Variants in LIFR observed in about 807,000 individuals in gnomAD.
The protein encoded by LIFR is leukemia inhibitory factor receptor.
A neutral mutation model predicts 122.2 loss-of-function variants in LIFR; 84 were observed. That is an observed-to-expected ratio of 0.69 (90% CI 0.58 to 0.82). The LOEUF (loss-of-function observed/expected upper bound fraction) is 0.82, where lower values mean the gene tolerates loss of function less well. Ranked by LOEUF, LIFR falls within the 40% of genes least tolerant of loss-of-function variation. The probability of loss-of-function intolerance (pLI) is 0.00; values close to 1 mark genes in which losing one functional copy is unlikely to be tolerated. For synonymous variants in LIFR, 422 were observed against 434.7 expected (o/e 0.97, Z 0.36); for missense variants, 1,294 against 1,311.6 (o/e 0.99, Z 0.21).
rs544041536 is a variant in LIFR at position 38,568,583 on chromosome 5, G to A, written c.-20+26678C>T. 2.0e-4 allele frequency among the ~76,000 whole-genome samples: 30 copies of A among 152,296 alleles called. 2 individuals carry two copies. The South Asian group carries it at 6.0e-3, about 31-fold the overall frequency. On this transcript the variant is annotated intron_variant, in intron 1 of 19. Coordinates refer to the LIFR transcript ENST00000263409. The stretch of plus-strand genomic sequence containing the variant: ...CATGTGTGAGGAGTAGATTATAGGG[G>A]TCAAGAAGAGACACTGCACTGAGGG...
intron 12 of LIFR, 30 bp downstream of exon 12, chr5:38,499,483 T>C (rs1417774819): frequency 1.4e-6 from 2 of 1,429,380 alleles, no homozygotes; most frequent in East Asian, 2.3e-5. Flanking sequence ...CAAAGTAATG[T>C]AAATGTTCAC....
At chr5:38,552,080 G>A (rs1052464566) in intron 1 of LIFR, among the ~76,000 whole-genome samples, 1 of 152,082 alleles carries the variant, frequency 6.6e-6, no homozygotes, top group African/African-American at 2.4e-5. Context: ...TGAAGACTGA[G>A]GACCTAAAGA....
intron 17 of LIFR, among the ~76,000 whole-genome samples, 162 bp from the exon 18 acceptor site, chr5:38,485,030 T>C (rs997286179): frequency 8.5e-5 from 13 of 152,220 alleles, no homozygotes; most frequent in Non-Finnish European, 1.5e-4. Flanking sequence ...CTTTCAGGTA[T>C]TGTGATAATT....
chr5:38,496,402 G>A lies in LIFR; in HGVS notation c.1865C>T (p.Ala622Val), dbSNP rs747837301. Residue 622 changes from alanine (A) to valine (V), a missense_variant, in exon 13 of 20, where the codon GCG becomes GTG. Ala to Val is a moderately conservative substitution (Grantham distance 64). Coordinates refer to ENST00000453190, the MANE Select transcript of LIFR (RefSeq NM_001127671.2). The part of the protein sequence containing the change: ...SVGSSPPSKI[A>V]SMEIPNDDLK... ...CTCACCATTTGGAATTTCCATACTCGCTATTTTGGAAGGTGGTGATGAGCC... is the reference window on the plus strand; with the variant it reads ...CTCACCATTTGGAATTTCCATACTCACTATTTTGGAAGGTGGTGATGAGCC... 9.3e-6 allele frequency: 15 copies of A among 1,613,068 alleles called. No homozygotes were observed. The highest frequency in any genetic ancestry group is 4.4e-5 in the South Asian group (4 of 91,062).
chr5:38,497,538 A>T (rs1744948096), intron 12 of LIFR, among the ~76,000 whole-genome samples: 1 of 152,344 alleles, frequency 6.6e-6, no homozygotes, highest in South Asian at 2.1e-4. Context: ...AAAAAATAGC[A>T]TCATGGGTTT....
chr5:38,510,835 C>A, intron 6 of LIFR, 117 bp from the exon 7 acceptor site: 1 of 784,266 alleles, frequency 1.3e-6, no homozygotes, highest in Non-Finnish European at 2.0e-6. Flanking sequence ...AGTATATACA[C>A]TACAAACTGT....
Position 38,530,600 on chromosome 5 carries a change from G to A in LIFR, c.48C>T (p.Asp16=), listed in dbSNP as rs1487638972. ...VCLKRPSWMV[D]NKRMRTASNF... ...TTGAAGCAGTCCTCATTCTTTTATT[G>A]TCCACCATCCAGGATGGTCGTTTCA... Residue 16 remains aspartate, a synonymous_variant, in exon 2 of 20, where the codon GAC becomes GAT. Coordinates refer to ENST00000453190, the MANE Select transcript of LIFR (RefSeq NM_001127671.2). The A allele has an allele frequency of 6.2e-7, 1 of 1,611,212 alleles. No homozygotes were observed. The highest frequency in any genetic ancestry group is 1.1e-5 in the South Asian group (1 of 91,026).
In LIFR at chr5:38,481,641, C is replaced by T; in HGVS notation, c.3248G>A (p.Gly1083Glu). 1.2e-6 allele frequency: 2 copies of T among 1,614,104 alleles called. No homozygotes were observed. The part of the protein sequence containing the change: ...KDEDSPKSNG[G>E]GWSFTNFFQN... ...AAAAAAGTTTGTAAAGGACCACCCTCCTCCATTAGATTTAGGAGAGTCTTC... is the reference window on the plus strand; with the variant it reads ...AAAAAAGTTTGTAAAGGACCACCCTTCTCCATTAGATTTAGGAGAGTCTTC... Residue 1083 changes from glycine (G) to glutamate (E), a missense_variant, in exon 20 of 20, where the codon GGA (glycine) becomes GAA (glutamate). Physicochemically the swap from Gly to Glu is moderately conservative, Grantham distance 98 (BLOSUM62 -2). Coordinates refer to ENST00000453190, the MANE Select transcript of LIFR (RefSeq NM_001127671.2).
At chr5:38,594,145 T>C (rs2112769831) in intron 1 of LIFR, among the ~76,000 whole-genome samples, 1 of 152,276 alleles carries the variant, frequency 6.6e-6, no homozygotes, top group African/African-American at 2.4e-5. Flanking sequence ...TTTTTTTAAA[T>C]GGTGTTCCTC....
chr5:38,551,356 T>A (rs1486947864), intron 1 of LIFR, among the ~76,000 whole-genome samples: 1 of 152,156 alleles, frequency 6.6e-6, no homozygotes, highest in Non-Finnish European at 1.5e-5. Flanking sequence ...GCGATTCTCA[T>A]CTCTCTCCCA....
At chr5:38,529,961 T>G (rs1256657201) in intron 2 of LIFR, among the ~76,000 whole-genome samples, 1 of 152,220 alleles carries the variant, frequency 6.6e-6, no homozygotes, top group Non-Finnish European at 1.5e-5. Flanking sequence ...GGCAGGAGGA[T>G]GATAATTTCT....
intron 2 of LIFR, 113 bp downstream of exon 2, chr5:38,530,393 G>T (rs1746938288): frequency 3.5e-6 from 3 of 863,722 alleles, no homozygotes; most frequent in East Asian, 2.5e-5. Context: ...CAAAAAAAAT[G>T]AATTTTAACC....
chr5:38,481,613 C>T lies in LIFR; in HGVS notation c.3276G>A (p.Gln1092=). Residue 1092 remains glutamine, a synonymous_variant, in exon 20 of 20, where the codon CAG becomes CAA. Transcript: ENST00000453190. ...GGGWSFTNFF[Q]NKPND is the part of the protein sequence containing the mutation. The stretch of plus-strand genomic sequence containing the variant: ...GACACTGTTAATCGTTTGGTTTGTT[C>T]TGAAAAAAGTTTGTAAAGGACCACC... 6.2e-7 allele frequency: 1 copy of T among 1,614,030 alleles called. No individual in the cohort carries two copies. Among genetic ancestry groups the T allele is most frequent in the Non-Finnish European group, 8.5e-7 (1 of 1,179,982 alleles).
At chr5:38,599,362 C>G (rs1750181646), upstream of LIFR, among the ~76,000 whole-genome samples, 1 of 152,170 alleles carries the variant, frequency 6.6e-6, no homozygotes, top group African/African-American at 2.4e-5. Flanking sequence ...GAAAGGGTCA[C>G]TGGCTCAGTT....
rs568644527 is a variant in LIFR, at chr5:38,525,723, C to A, written c.397+1432G>T. On this transcript the variant is annotated intron_variant, in intron 4 of 19. Coordinates refer to ENST00000453190, the MANE Select transcript of LIFR (RefSeq NM_001127671.2). Reference sequence around the variant, plus strand: ...AGGAAAAATGCAGACAAACGAGAGGCAAGAAGTTGATTTAGTGCCAGGACA... The same window carrying A: ...AGGAAAAATGCAGACAAACGAGAGGAAAGAAGTTGATTTAGTGCCAGGACA... Among the ~76,000 whole-genome samples the A allele has an allele frequency of 2.6e-5, 4 of 152,222 alleles. No individual in the cohort carries two copies. The South Asian group carries it at 6.2e-4, about 24-fold the overall frequency.
intron 9 of LIFR, among the ~76,000 whole-genome samples, chr5:38,505,446 G>A (rs1745422422): frequency 7.9e-6 from 1 of 125,996 alleles, no homozygotes; most frequent in South Asian, 2.6e-4. Flanking sequence ...ACACACACAC[G>A]AGTACAAATG....
At chr5:38,502,912 A>G in intron 10 of LIFR, 113 bp from the exon 11 acceptor site, 1 of 497,396 alleles carries the variant, frequency 2.0e-6, no homozygotes, top group Non-Finnish European at 3.3e-6. Flanking sequence ...TCACATTTGT[A>G]ACACAAACCA....
intron 1 of LIFR, chr5:38,550,103 G>A (rs1748121518): frequency 1.2e-5 from 2 of 169,632 alleles, no homozygotes; most frequent in African/African-American, 2.4e-5. Flanking sequence ...AAGGGACGGG[G>A]CACATTTTTG....
rs764759835 is a variant in LIFR, at chr5:38,482,675, TA to T, written c.2592-9del. On this transcript the variant is annotated splice_polypyrimidine_tract_variant and intron_variant, in intron 18 of 19. Transcript: ENST00000453190. ...TAGAAGGTTTCTTTAATCCTTTAAA[TA>T]AAAAATTATTACAGTAAATTTAATA... 2.6e-6 allele frequency: 3 copies of T among 1,147,072 alleles called. No individual in the cohort carries two copies. Among genetic ancestry groups the T allele is most frequent in the South Asian group, 1.5e-5 (1 of 64,564 alleles). The allele number at this position is 1,147,072 out of a possible 1,614,324, so 71.1% of individuals were successfully genotyped here.
Sources: allele counts gnomAD v4.1 joint callset (sites outside exome capture counted in the v4.1 genomes callset), GRCh38; gene constraint gnomAD v4.1.1; transcripts MANE v1.5; gene names NCBI Gene and HGNC (gene_info 2026-07-23, HGNC 2026-07-21).